The following PDE10A variants were observed in gnomAD, a reference collection of about 807,000 sequenced individuals.
The protein encoded by PDE10A is phosphodiesterase 10A, also known as cAMP and cAMP-inhibited cGMP 3',5'-cyclic phosphodiesterase 10A.
A neutral mutation model predicts 97.7 loss-of-function variants in PDE10A; 39 were observed. The observed-to-expected ratio is 0.40, with a 90% CI of 0.31 to 0.52. The LOEUF is 0.52. PDE10A is among the 20% of genes least tolerant of loss of function. The pLI is 0.56. For missense variants in PDE10A, 731 were observed against 1,047.8 expected (o/e 0.70, Z 4.17); for synonymous variants, 371 against 376.8 (o/e 0.98, Z 0.18).
In PDE10A at chr6:165,920,207, C is replaced by A. The variant is rs1782716775; in HGVS notation, c.-615+67322G>T. ...ATGGTCCATAATTACTAAAAAATTTCTGCTGGTTCTTTACAGACCCCTAAT... is the reference window on the plus strand; with the variant it reads ...ATGGTCCATAATTACTAAAAAATTTATGCTGGTTCTTTACAGACCCCTAAT... On this transcript the variant is annotated intron_variant, in intron 1 of 19. Coordinates refer to the PDE10A transcript ENST00000366882. Among the ~76,000 whole-genome samples, 4 of 152,138 alleles carry A rather than the reference C, an allele frequency of 2.6e-5. No homozygotes were observed. The South Asian group carries it at 8.3e-4, about 32-fold the overall frequency.
At chr6:165,839,686 C>T (rs1780162062) in intron 1 of PDE10A, among the ~76,000 whole-genome samples, 1 of 148,336 alleles carries the variant, frequency 6.7e-6, no homozygotes, top group African/African-American at 2.5e-5. Context: ...TGTCCGTGTC[C>T]ATCTCCATCC....
chr6:165,703,215 G>A (rs769201721), intron 1 of PDE10A, among the ~76,000 whole-genome samples: 2 of 152,152 alleles, frequency 1.3e-5, no homozygotes, highest in Non-Finnish European at 2.9e-5. Flanking sequence ...CTCAGACTTT[G>A]CAGTCACCTG....
In PDE10A at chr6:165,339,343, T is replaced by C. The variant is rs771779437; in HGVS notation, c.2911A>G (p.Lys971Glu). ...ATAGGAATAGGCTGTATTCCCAATT[T>C]CTTCATTTCATCACCCTAAGATGAA... Reference protein sequence around the residue: ...EFWAEGDEMKKLGIQPIPMMD... With the variant: ...EFWAEGDEMKELGIQPIPMMD... The change falls in exon 20 of 22, where the codon AAA becomes GAA. Residue 971 changes from lysine to glutamate, a missense_variant. This residue lies in a region of PDE10A where 96 missense variants were observed against 156.7 expected (regional missense o/e 0.61). Transcript: ENST00000539869. The C allele has an allele frequency of 6.2e-7, 1 of 1,600,242 alleles. No homozygotes were observed.
At chr6:165,927,425 C>T (rs1317453896) in intron 1 of PDE10A, among the ~76,000 whole-genome samples, 1 of 151,678 alleles carries the variant, frequency 6.6e-6, no homozygotes, top group Non-Finnish European at 1.5e-5. Flanking sequence ...AAGATAATCA[C>T]AATACAGTAA....
intron 1 of PDE10A, among the ~76,000 whole-genome samples, chr6:165,982,599 G>T (rs1038923363): frequency 6.6e-6 from 1 of 151,970 alleles, no homozygotes; most frequent in Non-Finnish European, 1.5e-5. Context: ...TTACTTCTTC[G>T]GTGTATAGTA....
intron 1 of PDE10A, among the ~76,000 whole-genome samples, chr6:165,926,960 T>G (rs143461665): frequency 6.6e-6 from 1 of 151,966 alleles, no homozygotes; most frequent in Non-Finnish European, 1.5e-5. Context: ...AACAAACTTA[T>G]GGAAGCATGT....
At chr6:165,828,716 G>A (rs1478978555) in intron 1 of PDE10A, among the ~76,000 whole-genome samples, 1 of 152,152 alleles carries the variant, frequency 6.6e-6, no homozygotes, top group Non-Finnish European at 1.5e-5. Flanking sequence ...ACTGAAAAAT[G>A]AGCAGCCGTC....
At chr6:165,768,640 A>T (rs571795727) in intron 1 of PDE10A, among the ~76,000 whole-genome samples, 3 of 151,886 alleles carry the variant, frequency 2.0e-5, no homozygotes, top group East Asian at 3.9e-4. Flanking sequence ...TATATTTTTT[A>T]AAAAATTAGG....
intron 1 of PDE10A, among the ~76,000 whole-genome samples, chr6:165,774,470 T>G (rs905933704): frequency 6.8e-6 from 1 of 148,084 alleles, no homozygotes; most frequent in African/African-American, 2.4e-5. Flanking sequence ...AACATGTATA[T>G]ATAATATATA....
At chr6:165,459,739 T>C (rs1391892495) in intron 3 of PDE10A, among the ~76,000 whole-genome samples, 2 of 152,074 alleles carry the variant, frequency 1.3e-5, no homozygotes, top group African/African-American at 2.4e-5. Flanking sequence ...AGGCCTGTGA[T>C]GGTATCGGAG....
At chr6:165,863,253 C>T (rs528814638) in intron 1 of PDE10A, among the ~76,000 whole-genome samples, 35 of 152,250 alleles carry the variant, frequency 2.3e-4, no homozygotes, top group Non-Finnish European at 2.8e-4. Context: ...GCTTTCATTT[C>T]GGGTTGCTCT....
intron 18 of PDE10A, among the ~76,000 whole-genome samples, chr6:165,362,583 A>C (rs1783491750): frequency 6.6e-6 from 1 of 152,154 alleles, no homozygotes; most frequent in Non-Finnish European, 1.5e-5. Context: ...GAAAAATAAC[A>C]ACCACAAAGA....
intron 20 of PDE10A, 37 bp downstream of exon 20, chr6:165,339,241 G>A (rs1781831466): frequency 8.6e-7 from 1 of 1,164,906 alleles, no homozygotes; most frequent in Middle Eastern, 1.9e-4. Context: ...TAAACTATTT[G>A]GCTTTAGCAA....
chr6:165,568,287 C>CTG (rs1356812054), intron 1 of PDE10A, among the ~76,000 whole-genome samples: 4 of 152,168 alleles, frequency 2.6e-5, no homozygotes, highest in Non-Finnish European at 5.9e-5. Context: ...GCGTGAGCCA[C>CTG]CGCATCCGGC....
At chr6:165,606,325 A>G (rs929777028) in intron 1 of PDE10A, among the ~76,000 whole-genome samples, 2 of 152,114 alleles carry the variant, frequency 1.3e-5, no homozygotes, top group African/African-American at 4.8e-5. Flanking sequence ...CTATCCCAGG[A>G]TCTTAGTAAC....
chr6:165,619,819 G>A (rs1370786579), intron 1 of PDE10A, among the ~76,000 whole-genome samples: 1 of 151,920 alleles, frequency 6.6e-6, no homozygotes, highest in Non-Finnish European at 1.5e-5. Context: ...TCAGGAATCA[G>A]ACAACCCCGG....
At position 165,566,177 on chromosome 6, in the gene PDE10A, A is replaced by T. The variant is rs114936793; in HGVS notation, c.866-22609T>A. 8.7e-3 allele frequency among the ~76,000 whole-genome samples: 1,329 copies of T among 152,350 alleles called. 17 individuals are homozygous for T. The highest frequency in any genetic ancestry group is 0.03 in the African/African-American group (1,259 of 41,580). On this transcript the variant is annotated intron_variant, in intron 1 of 21. Coordinates refer to ENST00000539869, the MANE Select transcript of PDE10A (RefSeq NM_001385079.1). Reference sequence around the variant, plus strand: ...GATTGGGAGAAAATATGTGCAAAACACATATCAGATAAAGACTTAACCCAG... The same window carrying T: ...GATTGGGAGAAAATATGTGCAAAACTCATATCAGATAAAGACTTAACCCAG...
rs191944232 is a variant in PDE10A at position 165,875,453 on chromosome 6, C to T, written c.-615+112076G>A. On this transcript the variant is annotated intron_variant, in intron 1 of 19. Transcript: ENST00000366882. ...GCTTTACGCAGGGGCATTTAATAGT[C>T]GTTACAGATATTTTAAGCACTTCAG... 1.4e-3 allele frequency among the ~76,000 whole-genome samples: 210 copies of T among 152,220 alleles called. 2 individuals are homozygous for T. Among genetic ancestry groups the T allele is most frequent in the African/African-American group, 4.6e-3 (193 of 41,522 alleles).
intron 1 of PDE10A, among the ~76,000 whole-genome samples, chr6:165,971,498 C>T (rs1178924931): frequency 6.6e-6 from 1 of 152,210 alleles, no homozygotes; most frequent in Non-Finnish European, 1.5e-5. Context: ...TTGCCACTTT[C>T]TGGGTCTTTG....
Sources: gnomAD v4.1 joint callset for allele counts (sites outside exome capture counted in the v4.1 genomes callset) on GRCh38, gnomAD v4.1.1 for gene constraint, gnomAD v4.1.1 regional missense constraint, MANE v1.5 for transcripts, NCBI Gene and HGNC (gene_info 2026-07-23, HGNC 2026-07-21) for gene names.